SLC38A10: variants seen among roughly 807,000 people sequenced by gnomAD.
SLC38A10 encodes the protein Sodium-coupled neutral amino acid transporter 10.
In SLC38A10, 53 loss-of-function variants were observed where a neutral mutation model predicts 81.0. The ratio of observed to expected loss-of-function variants is 0.65; its 90% CI spans 0.53 to 0.82. The LOEUF is 0.82. SLC38A10 is among the 40% of genes least tolerant of loss of function. The pLI, the probability that SLC38A10 is intolerant of heterozygous loss-of-function variation, is 0.00. For synonymous variants in SLC38A10, 665 were observed against 655.3 expected, an observed-to-expected ratio of 1.01 and a Z score of -0.23; for missense variants, 1,471 against 1,545.0, an observed-to-expected ratio of 0.95 and a Z score of 0.80.
intron 13 of SLC38A10, 47 bp downstream of exon 13, chr17:81,252,148 G>A: frequency 6.7e-7 from 1 of 1,489,292 alleles, no homozygotes; most frequent in East Asian, 2.3e-5. Flanking sequence ...AGCCTCCCCA[G>A]CCCAAGAGGG....
At position 81,289,309 on chromosome 17, in the gene SLC38A10, T is replaced by C. The variant is rs1262007133; in HGVS notation, c.217+382A>G. On this transcript the variant is annotated intron_variant, in intron 2 of 15. Coordinates refer to ENST00000374759, the MANE Select transcript of SLC38A10 (RefSeq NM_001037984.3). The surrounding 1 kb of genome is among the most constrained non-coding windows in gnomAD (Gnocchi z 5.9). ...CGCCTGCCTCGGCCTGCCAAAGTGC[T>C]GGGATTACAGGCACGAGCCACCACG... 6.6e-6 allele frequency among the ~76,000 whole-genome samples: 1 copy of C among 152,102 alleles called. No individual in the cohort carries two copies.
chr17:81,267,013 A>G (rs2063076131), intron 10 of SLC38A10, among the ~76,000 whole-genome samples: 2 of 152,264 alleles, frequency 1.3e-5, no homozygotes, highest in Admixed American at 1.3e-4. Flanking sequence ...TTCCAAGAGC[A>G]ACAAGTCACA....
At chr17:81,267,005 C>T (rs1408624758) in intron 10 of SLC38A10, among the ~76,000 whole-genome samples, 1 of 152,196 alleles carries the variant, frequency 6.6e-6, no homozygotes, top group Non-Finnish European at 1.5e-5. Context: ...TTAAAGTGTT[C>T]CAAGAGCAAC....
At chr17:81,250,413 G>A (rs1433594450) in intron 14 of SLC38A10, among the ~76,000 whole-genome samples, 1 of 152,242 alleles carries the variant, frequency 6.6e-6, no homozygotes, top group African/African-American at 2.4e-5. Flanking sequence ...GCCCTCCCTC[G>A]GACCGGCTGT....
At chr17:81,291,608 G>T (rs2063311194) in intron 1 of SLC38A10, among the ~76,000 whole-genome samples, 1 of 152,110 alleles carries the variant, frequency 6.6e-6, no homozygotes, top group Non-Finnish European at 1.5e-5. Context: ...ATGCGGGCCG[G>T]CATGTGCACC....
rs1003633293 is a variant in SLC38A10, at chr17:81,252,989, G to C, written c.1456+84C>G. The C allele has an allele frequency of 3.3e-6, 5 of 1,520,066 alleles. No homozygotes were observed. In the African/African-American group the frequency reaches 4.1e-5, roughly 12 times the overall value. 94.2% of individuals were successfully genotyped at this position (1,520,066 alleles called of 1,614,324 possible). ...GGGAAAAAGATACACACAGCCCTGA[G>C]AGCCACCCCGCAGGGTGTCCAGCCT... On this transcript the variant is annotated intron_variant, in intron 12 of 15. Coordinates refer to ENST00000374759, the MANE Select transcript of SLC38A10 (RefSeq NM_001037984.3).
chr17:81,283,413 A>C lies in SLC38A10; in HGVS notation c.353T>G (p.Phe118Cys), dbSNP rs781637484. 1.2e-6 allele frequency: 2 copies of C among 1,611,270 alleles called. No homozygotes were observed. Among genetic ancestry groups the C allele is most frequent in the East Asian group, 2.2e-5 (1 of 44,778 alleles). The stretch of plus-strand genomic sequence containing the variant: ...GAACCCTGAACACATCCTTACCTGA[A>C]ACCCGAACAGCCGGGCAAAGAAGTT... ...GSNFFARLFG[F>C]QVGGTFRMFL... The change falls in exon 4 of 16, where the codon TTT becomes TGT. Residue 118 changes from phenylalanine (F) to cysteine (C), a missense_variant. By Grantham distance (205) the Phe-to-Cys change is radical (BLOSUM62 -2). Transcript: ENST00000374759. The surrounding 1 kb of genome is among the most constrained non-coding windows in gnomAD (Gnocchi z 4.7).
chr17:81,280,708 C>T lies in SLC38A10; in HGVS notation c.527G>A (p.Gly176Asp). The change falls in exon 6 of 16, where the codon GGC (glycine) becomes GAC (aspartate). Residue 176 changes from glycine to aspartate, a missense_variant. Around this residue, in one of 2 missense-constraint regions of SLC38A10, gnomAD observed 720 missense variants for 827.7 expected, o/e 0.87. Transcript: ENST00000374759. ...FVIVLSSLKHGLFSGQWLRRV... is the reference protein window; with the variant it reads ...FVIVLSSLKHDLFSGQWLRRV... ...CCGCAGCCACTGCCCACTGAAGAGG[C>T]CGTGCTTGAGAGAGGAGAGCACGAT... The T allele has an allele frequency of 6.2e-7, 1 of 1,613,508 alleles. No homozygotes were observed. The highest frequency in any genetic ancestry group is 8.5e-7 in the Non-Finnish European group (1 of 1,179,828).
At chr17:81,278,745 C>A (rs1318729554) in intron 6 of SLC38A10, among the ~76,000 whole-genome samples, 2 of 152,328 alleles carry the variant, frequency 1.3e-5, no homozygotes, top group East Asian at 3.9e-4. Flanking sequence ...GGAGTCTTGG[C>A]TTGAGGGGAC....
rs573678711 is a variant in SLC38A10 at position 81,282,153 on chromosome 17, C to G, written c.501+36G>C. On this transcript the variant is annotated intron_variant, in intron 5 of 15. Coordinates refer to ENST00000374759, the MANE Select transcript of SLC38A10 (RefSeq NM_001037984.3). Reference sequence around the variant, plus strand: ...ACAGGAAAGAATGGGCCAGGAGCAGCCTTTCAGCGGGTACCCACGCGCGCT... The same window carrying G: ...ACAGGAAAGAATGGGCCAGGAGCAGGCTTTCAGCGGGTACCCACGCGCGCT... The G allele has an allele frequency of 3.7e-6, 6 of 1,609,178 alleles. No homozygotes were observed. The South Asian group carries it at 6.6e-5, about 18-fold the overall frequency.
In SLC38A10 at chr17:81,286,078, T is replaced by G. The variant is rs1303125784; in HGVS notation, c.218-1183A>C. Among the ~76,000 whole-genome samples the G allele has an allele frequency of 6.6e-6, 1 of 151,794 alleles. No homozygotes were observed. The highest frequency in any genetic ancestry group is 1.5e-5 in the Non-Finnish European group (1 of 67,940). On this transcript the variant is annotated intron_variant, in intron 2 of 15. Coordinates refer to ENST00000374759, the MANE Select transcript of SLC38A10 (RefSeq NM_001037984.3). The surrounding 1 kb of genome is among the most constrained non-coding windows in gnomAD (Gnocchi z 6.0). ...GTGGAGAGTTTCAAACACTAAGAACTCCAGGAGCCCCCTCAGCAGCCCACA... is the reference window on the plus strand; with the variant it reads ...GTGGAGAGTTTCAAACACTAAGAACGCCAGGAGCCCCCTCAGCAGCCCACA...
At chr17:81,272,282 T>A (rs2063123328) in intron 9 of SLC38A10, among the ~76,000 whole-genome samples, 1 of 152,084 alleles carries the variant, frequency 6.6e-6, no homozygotes, top group African/African-American at 2.4e-5. Flanking sequence ...TCCACCCACC[T>A]CAACCTCCCA....
intron 6 of SLC38A10, 22 bp downstream of exon 6, chr17:81,280,587 C>G: frequency 6.2e-7 from 1 of 1,612,452 alleles, no homozygotes; most frequent in Non-Finnish European, 8.5e-7. Context: ...AACTCCACCA[C>G]AGACCACAGC....
rs1035558909 is a variant in SLC38A10, at chr17:81,281,362, C to T, written c.502-629G>A. On this transcript the variant is annotated intron_variant, in intron 5 of 15. Coordinates refer to ENST00000374759, the MANE Select transcript of SLC38A10 (RefSeq NM_001037984.3). The surrounding 1 kb of genome is among the most constrained non-coding windows in gnomAD (Gnocchi z 5.3). Reference sequence around the variant, plus strand: ...TCCCAGGGGCTCGGGTCCTGGGGCTCCTATGGGCAGGGGCCTGGCAGAGAA... The same window carrying T: ...TCCCAGGGGCTCGGGTCCTGGGGCTTCTATGGGCAGGGGCCTGGCAGAGAA... Among the ~76,000 whole-genome samples the T allele has an allele frequency of 6.6e-6, 1 of 152,078 alleles. No individual in the cohort carries two copies. The highest frequency in any genetic ancestry group is 1.5e-5 in the Non-Finnish European group (1 of 67,998).
At position 81,289,698 on chromosome 17, in the gene SLC38A10, G is replaced by A. The variant is rs369470157; in HGVS notation, c.210C>T (p.Ala70=). Residue 70 remains alanine (A), a synonymous_variant, in exon 2 of 16, where the codon GCC becomes GCT. Transcript: ENST00000374759. This position sits in a 1 kb window ranked among gnomAD's most constrained non-coding sequence, Gnocchi z 5.9. The part of the protein sequence containing the change: ...SASLSKRRTY[A]GLAFHAYGKA... Reference sequence around the variant, plus strand: ...GTGGAGAGGGCGCCTCACCCAGGCCGGCGTAGGTCCTCCGCTTGCTCAGGC... The same window carrying A: ...GTGGAGAGGGCGCCTCACCCAGGCCAGCGTAGGTCCTCCGCTTGCTCAGGC... The A allele has an allele frequency of 6.8e-6, 11 of 1,608,054 alleles. No homozygotes were observed. In the Admixed American group the frequency reaches 1.2e-4, roughly 17 times the overall value.
At position 81,246,393 on chromosome 17, in the gene SLC38A10, G is replaced by A; in HGVS notation, c.2523C>T (p.Ala841=). The change falls in exon 16 of 16, where the codon GCC becomes GCT. Residue 841 remains alanine, a synonymous_variant. Coordinates refer to ENST00000374759, the MANE Select transcript of SLC38A10 (RefSeq NM_001037984.3). The part of the protein sequence containing the change: ...AKLRDGQKDA[A]PRAAGTVKEL... ...CCTTCACAGTGCCAGCTGCCCTGGG[G>A]GCGGCATCCTTCTGGCCATCTCTCA... The A allele has an allele frequency of 1.2e-6, 2 of 1,600,476 alleles. No homozygotes were observed. Among genetic ancestry groups the A allele is most frequent in the Non-Finnish European group, 1.7e-6 (2 of 1,175,466 alleles).
rs534460583 is a variant in SLC38A10 at position 81,286,378 on chromosome 17, G to A, written c.218-1483C>T. Among the ~76,000 whole-genome samples the A allele has an allele frequency of 4.6e-5, 7 of 152,282 alleles. No homozygotes were observed. Among genetic ancestry groups the A allele is most frequent in the East Asian group, 3.9e-4 (2 of 5,188 alleles). On this transcript the variant is annotated intron_variant, in intron 2 of 15. Transcript: ENST00000374759. The surrounding 1 kb of genome is among the most constrained non-coding windows in gnomAD (Gnocchi z 6.0). ...ACTCTCTTCTGGTTCCCAGGACAAC[G>A]TCCTGAGAGCCCACCACGCTGAGAC...
chr17:81,245,815 T>A lies in SLC38A10; in HGVS notation c.3101A>T (p.Asn1034Ile). The A allele has an allele frequency of 6.2e-7, 1 of 1,609,180 alleles. No homozygotes were observed. The highest frequency in any genetic ancestry group is 8.5e-7 in the Non-Finnish European group (1 of 1,177,288). Residue 1034 changes from asparagine to isoleucine, a missense_variant, in exon 16 of 16, where the codon AAT (asparagine) becomes ATT (isoleucine). Asn to Ile is a moderately radical substitution (Grantham distance 149). Transcript: ENST00000374759. ...RAVPGGQRPDNAKPNRDLKLQ... is the reference protein window; with the variant it reads ...RAVPGGQRPDIAKPNRDLKLQ... Reference sequence around the variant, plus strand: ...TTTCAGGTCCCGGTTGGGCTTGGCATTGTCCGGCCTCTGGCCCCCCGGGAC... The same window carrying A: ...TTTCAGGTCCCGGTTGGGCTTGGCAATGTCCGGCCTCTGGCCCCCCGGGAC...
At chr17:81,252,094 A>G in intron 13 of SLC38A10, 101 bp downstream of exon 13, 1 of 1,444,410 alleles carries the variant, frequency 6.9e-7, no homozygotes, top group Non-Finnish European at 9.2e-7. Flanking sequence ...AGGGAGAGAG[A>G]CTGGGGACTG....
Sources: gnomAD v4.1 joint callset for allele counts (sites outside exome capture counted in the v4.1 genomes callset) on GRCh38, gnomAD v4.1.1 for gene constraint, gnomAD v4.1.1 regional missense constraint, Gnocchi (gnomAD v3.1) non-coding constraint, MANE v1.5 for transcripts, NCBI Gene and HGNC (gene_info 2026-07-23, HGNC 2026-07-21) for gene names.